DLGAP2: variants seen among roughly 807,000 people sequenced by gnomAD.
DLGAP2 encodes disks large-associated protein 2.
In DLGAP2, 26 loss-of-function variants were observed where a neutral mutation model predicts 100.3. That is an observed-to-expected ratio of 0.26 (90% CI 0.19 to 0.36). The LOEUF (loss-of-function observed/expected upper bound fraction) is 0.36, where lower values mean the gene tolerates loss of function less well. DLGAP2 is among the 10% of genes least tolerant of loss of function. The pLI is 1.00. For missense variants in DLGAP2, 1,858 were observed against 1,453.2 expected (o/e 1.28, Z -4.53); for synonymous variants, 886 against 630.1 (o/e 1.41, Z -6.08).
At chr8:1,437,607 A>C (rs1383078914) in intron 3 of DLGAP2, among the ~76,000 whole-genome samples, 1 of 152,044 alleles carries the variant, frequency 6.6e-6, no homozygotes, top group Non-Finnish European at 1.5e-5. Context: ...GTGATTCCTA[A>C]TTGTGTGAGG....
At chr8:1,635,742 A>G (rs893230272) in intron 8 of DLGAP2, among the ~76,000 whole-genome samples, 1 of 152,254 alleles carries the variant, frequency 6.6e-6, no homozygotes, top group East Asian at 1.9e-4. Flanking sequence ...AATGTATAAT[A>G]TTCATATAAT....
At chr8:1,195,090 C>T (rs1204303898) in intron 2 of DLGAP2, among the ~76,000 whole-genome samples, 1 of 152,252 alleles carries the variant, frequency 6.6e-6, no homozygotes, top group Non-Finnish European at 1.5e-5. Flanking sequence ...CTTTCCAGGC[C>T]CCCGGCATCC....
At chr8:1,147,260 A>G (rs1274951356) in intron 2 of DLGAP2, among the ~76,000 whole-genome samples, 2 of 152,030 alleles carry the variant, frequency 1.3e-5, no homozygotes, top group Non-Finnish European at 2.9e-5. Flanking sequence ...ATGTGCGTCA[A>G]AAAAATGATG....
intron 2 of DLGAP2, among the ~76,000 whole-genome samples, chr8:1,009,041 C>A (rs989061024): frequency 2.6e-5 from 4 of 152,218 alleles, no homozygotes; most frequent in Non-Finnish European, 5.9e-5. Flanking sequence ...ATTTCCCTGG[C>A]AAAAGCTGGG....
intron 1 of DLGAP2, among the ~76,000 whole-genome samples, chr8:798,681 T>TGAGA (rs1796086271): frequency 8.0e-6 from 1 of 125,126 alleles, no homozygotes. Context: ...AAATGCTTGT[T>TGAGA]GCGTCAGGAC....
intron 3 of DLGAP2, among the ~76,000 whole-genome samples, chr8:1,422,943 G>C (rs1303295342): frequency 2.0e-5 from 3 of 152,130 alleles, no homozygotes; most frequent in African/African-American, 7.2e-5. Flanking sequence ...TCTGTCCAGG[G>C]GGCCCCTTAG....
chr8:1,137,076 C>T (rs1312525693), intron 2 of DLGAP2, among the ~76,000 whole-genome samples: 1 of 152,144 alleles, frequency 6.6e-6, no homozygotes, highest in Non-Finnish European at 1.5e-5. Context: ...GGCTGGCAGT[C>T]GAGGACAAGG....
intron 2 of DLGAP2, among the ~76,000 whole-genome samples, chr8:1,023,936 T>C (rs999728687): frequency 6.8e-6 from 1 of 146,302 alleles, no homozygotes; most frequent in Non-Finnish European, 1.5e-5. Context: ...TCCCGGCTGC[T>C]GCTTTCTAAG....
intron 2 of DLGAP2, among the ~76,000 whole-genome samples, chr8:1,230,225 C>G (rs1043922293): frequency 6.6e-6 from 1 of 152,132 alleles, no homozygotes; most frequent in Non-Finnish European, 1.5e-5. Flanking sequence ...CAGTGAAGTT[C>G]AAACTGAGAG....
chr8:952,457 T>G (rs1799504044), intron 2 of DLGAP2, among the ~76,000 whole-genome samples: 1 of 152,042 alleles, frequency 6.6e-6, no homozygotes, highest in Admixed American at 6.6e-5. Context: ...GCCAACATGG[T>G]GAAACCCCGT....
At position 1,702,749 on chromosome 8, in the gene DLGAP2, T is replaced by C. The variant is rs1049839472; in HGVS notation, c.*1343T>C. ...AACCATTGTTCTGACACGACTTCTG[T>C]TTCACAGTTCAGACCGGTCTTCAAA... On this transcript the variant is annotated 3_prime_UTR_variant, in exon 15 of 15. Coordinates refer to ENST00000637795, the MANE Select transcript of DLGAP2 (RefSeq NM_001346810.2). 2.0e-5 allele frequency: 3 copies of C among 152,294 alleles called. No homozygotes were observed. Among genetic ancestry groups the C allele is most frequent in the Admixed American group, 6.5e-5 (1 of 15,284 alleles). The allele number at this position is 152,294 out of a possible 1,614,324, so 9.4% of individuals were successfully genotyped here.
chr8:1,244,289 A>G (rs1798860603), intron 2 of DLGAP2, among the ~76,000 whole-genome samples: 1 of 152,172 alleles, frequency 6.6e-6, no homozygotes, highest in Non-Finnish European at 1.5e-5. Context: ...GGTGCTTAAT[A>G]AATAACTGTG....
chr8:1,367,301 T>C (rs1802131447), intron 3 of DLGAP2, among the ~76,000 whole-genome samples: 1 of 152,246 alleles, frequency 6.6e-6, no homozygotes, highest in Non-Finnish European at 1.5e-5. Context: ...TCTCTAGGAA[T>C]TGATGCCTGA....
chr8:775,788 C>T (rs2132615577), intron 1 of DLGAP2, among the ~76,000 whole-genome samples: 1 of 143,352 alleles, frequency 7.0e-6, no homozygotes, highest in Non-Finnish European at 1.5e-5. Context: ...CAATGTTCAT[C>T]AAGGATATTG....
At chr8:1,323,500 A>G (rs904827504) in intron 3 of DLGAP2, among the ~76,000 whole-genome samples, 2 of 152,192 alleles carry the variant, frequency 1.3e-5, no homozygotes, top group Non-Finnish European at 2.9e-5. Flanking sequence ...CTCCTGCTGT[A>G]CCAGGTTGCA....
chr8:1,290,383 G>T (rs1421747462), intron 3 of DLGAP2, among the ~76,000 whole-genome samples: 2 of 152,204 alleles, frequency 1.3e-5, no homozygotes, highest in Non-Finnish European at 2.9e-5. Flanking sequence ...TGACGGCAGG[G>T]TTTGAACATC....
intron 3 of DLGAP2, among the ~76,000 whole-genome samples, chr8:1,498,482 T>C (rs1799615175): frequency 6.6e-6 from 1 of 152,174 alleles, no homozygotes; most frequent in Admixed American, 6.5e-5. Context: ...CCATGTTATG[T>C]AGGGTAAAGA....
At chr8:1,515,322 G>A (rs993213928) in intron 4 of DLGAP2, among the ~76,000 whole-genome samples, 1 of 152,212 alleles carries the variant, frequency 6.6e-6, no homozygotes, top group Non-Finnish European at 1.5e-5. Context: ...GAGGGGCACA[G>A]AGAAAAGGAG....
At chr8:1,149,098 T>G (rs1344560783) in intron 2 of DLGAP2, among the ~76,000 whole-genome samples, 3 of 152,242 alleles carry the variant, frequency 2.0e-5, no homozygotes, top group Admixed American at 2.0e-4. Flanking sequence ...AAATTCAGAT[T>G]GTCATACCTT....
Sources: gnomAD v4.1 joint callset for allele counts (sites outside exome capture counted in the v4.1 genomes callset) on GRCh38, gnomAD v4.1.1 for gene constraint, MANE v1.5 for transcripts, NCBI Gene and HGNC (gene_info 2026-07-23, HGNC 2026-07-21) for gene names.